ADCY4: variants seen among roughly 807,000 people sequenced by gnomAD.
The protein encoded by ADCY4 is adenylate cyclase type 4.
Under a neutral mutation model 125.5 loss-of-function variants are expected in ADCY4, and 111 were observed. The ratio of observed to expected loss-of-function variants is 0.88; its 90% CI spans 0.76 to 1.04. ADCY4 has a LOEUF of 1.04. Among genes scored for constraint, ADCY4 ranks in the 50% least tolerant of loss-of-function variants. ADCY4 has a pLI of 0.00. For missense variants in ADCY4, 1,256 were observed against 1,382.9 expected (o/e 0.91, Z 1.46); for synonymous variants, 576 against 586.9 (o/e 0.98, Z 0.27).
Position 24,326,177 on chromosome 14 carries a change from G to C in ADCY4, c.1569-12C>G, listed in dbSNP as rs1775410715. ...GGGGGGTACGGCTCCTGCACAGTGA[G>C]AGCCAAGTCCATCACCACAGAGACC... On this transcript the variant is annotated splice_polypyrimidine_tract_variant and intron_variant, in intron 11 of 24. Transcript: ENST00000418030. The C allele has an allele frequency of 6.2e-7, 1 of 1,606,520 alleles. No individual in the cohort carries two copies. The highest frequency in any genetic ancestry group is 8.5e-7 in the Non-Finnish European group (1 of 1,174,676).
At position 24,326,330 on chromosome 14, in the gene ADCY4, C is replaced by G. The variant is rs774404181; in HGVS notation, c.1537G>C (p.Ala513Pro). The G allele has an allele frequency of 2.0e-5, 32 of 1,613,700 alleles. No homozygotes were observed. Among genetic ancestry groups the G allele is most frequent in the Non-Finnish European group, 2.7e-5 (32 of 1,180,002 alleles). ...AGGCTCCACTGGGTGCTGAAGGAAGCCAGGGTCTTCTCCTGTTGGGAGAGC... is the reference window on the plus strand; with the variant it reads ...AGGCTCCACTGGGTGCTGAAGGAAGGCAGGGTCTTCTCCTGTTGGGAGAGC... ...TSTPLPEKTLASFSTQWSLDR... is the reference protein window; with the variant it reads ...TSTPLPEKTLPSFSTQWSLDR... The change falls in exon 11 of 25, where the codon GCT becomes CCT. Residue 513 changes from alanine (A) to proline (P), a missense_variant. Transcript: ENST00000418030.
chr14:24,329,344 G>C, intron 9 of ADCY4, 57 bp downstream of exon 9: 1 of 1,554,014 alleles, frequency 6.4e-7, no homozygotes, highest in Non-Finnish European at 8.7e-7. Context: ...GATCAGGCCT[G>C]TTGGCTGTGG....
At chr14:24,324,892 T>C (rs955582086) in intron 14 of ADCY4, among the ~76,000 whole-genome samples, 19 of 151,990 alleles carry the variant, frequency 1.3e-4, no homozygotes, top group African/African-American at 3.4e-4. Context: ...TTAGTAGAGA[T>C]GGGGTTTCAC....
rs764294776 is a variant in ADCY4 at position 24,334,792 on chromosome 14, G to T, written c.-140C>A. On this transcript the variant is annotated 5_prime_UTR_variant, in exon 1 of 25. Transcript: ENST00000418030. Reference sequence around the variant, plus strand: ...GCGCCCCCAACCTCGTGGCAATCCCGTCTCCTTTTTCAGGCCCTCCCTGCG... The same window carrying T: ...GCGCCCCCAACCTCGTGGCAATCCCTTCTCCTTTTTCAGGCCCTCCCTGCG... 1.4e-6 allele frequency: 1 copy of T among 692,820 alleles called. No homozygotes were observed. Among genetic ancestry groups the T allele is most frequent in the Non-Finnish European group, 2.3e-6 (1 of 433,134 alleles). 42.9% of individuals were successfully genotyped at this position (692,820 alleles called of 1,614,324 possible).
chr14:24,332,741 G>A (rs759170379), intron 2 of ADCY4, 50 bp downstream of exon 2: 19 of 1,542,982 alleles, frequency 1.2e-5, no homozygotes, highest in East Asian at 2.4e-5. Context: ...GGCCTGGTGA[G>A]GGATCGAAGC....
chr14:24,334,411 A>G (rs1369816382), intron 1 of ADCY4, 83 bp downstream of exon 1: 1 of 1,458,494 alleles, frequency 6.9e-7, no homozygotes. Context: ...CAACGAAAAC[A>G]CATCGAAAAG....
chr14:24,323,238 G>A lies in ADCY4; in HGVS notation c.2157+106C>T, dbSNP rs903109515. On this transcript the variant is annotated intron_variant, in intron 17 of 24. Transcript: ENST00000418030. ...CTGATACACACTGGGTGTGACTTATGTCTGTTCTAATCCACAGAATGGAGC... is the reference window on the plus strand; with the variant it reads ...CTGATACACACTGGGTGTGACTTATATCTGTTCTAATCCACAGAATGGAGC... The A allele has an allele frequency of 5.0e-6, 7 of 1,395,624 alleles. No individual in the cohort carries two copies. The East Asian group carries it at 1.7e-4, about 35-fold the overall frequency. 86.5% of individuals were successfully genotyped at this position (1,395,624 alleles called of 1,614,324 possible).
chr14:24,322,600 G>A, intron 19 of ADCY4, 24 bp downstream of exon 19: 3 of 1,612,762 alleles, frequency 1.9e-6, no homozygotes, highest in Non-Finnish European at 2.5e-6. Context: ...GTGGGCCCTG[G>A]TGGGGCTGAG....
At chr14:24,334,435 C>A (rs1252280728) in intron 1 of ADCY4, 59 bp downstream of exon 1, 2 of 1,498,798 alleles carry the variant, frequency 1.3e-6, no homozygotes, top group Non-Finnish European at 1.8e-6. Flanking sequence ...ACCCCACAAA[C>A]CCCAACCCCG....
At position 24,319,141 on chromosome 14, in the gene ADCY4, G is replaced by A. The variant is rs149547221; in HGVS notation, c.2913C>T (p.Asp971=). The change falls in exon 23 of 25, where the codon GAC becomes GAT. Residue 971 remains aspartate, a synonymous_variant. Transcript: ENST00000418030. This position sits in a 1 kb window ranked among gnomAD's most constrained non-coding sequence, Gnocchi z 4.5. ...TGTTGAATGAATGCTTGTTGATGAC[G>A]TCCAGCTTAGACCCCAGGGCCACGG... The part of the protein sequence containing the change: ...EFAVALGSKL[D]VINKHSFNNF... The A allele has an allele frequency of 1.4e-4, 234 of 1,613,998 alleles. No individual in the cohort carries two copies. In the African/African-American group the frequency reaches 2.8e-3, roughly 19 times the overall value.
At chr14:24,332,749 AGCCCGGGCCGTCCCCGCT>A in intron 2 of ADCY4, 24 bp downstream of exon 2, 1 of 1,534,450 alleles carries the variant, frequency 6.5e-7, no homozygotes, top group Non-Finnish European at 8.8e-7. Context: ...GAGGGATCGA[AGCCCGGGCCGTCCCCGCT>A]GCCCCGCCTG....
At chr14:24,330,609 A>G (rs2042026381) in intron 6 of ADCY4, 4 of 352,424 alleles carry the variant, frequency 1.1e-5, no homozygotes, top group South Asian at 4.2e-5. Context: ...GAATCCAAGA[A>G]TTGGTTGCTT....
At chr14:24,318,891 T>A (rs1016571909) in intron 23 of ADCY4, 113 bp from the exon 24 acceptor site, 13 of 1,435,906 alleles carry the variant, frequency 9.1e-6, no homozygotes, top group African/African-American at 2.9e-5. Flanking sequence ...AGAGGAGGGG[T>A]CTCTAAGGGC....
intron 9 of ADCY4, 31 bp from the exon 10 acceptor site, chr14:24,329,265 C>A (rs1468788649): frequency 1.2e-6 from 2 of 1,607,692 alleles, no homozygotes; most frequent in Admixed American, 1.7e-5. Flanking sequence ...CAGTAAAGAC[C>A]ACAGACACTT....
At chr14:24,327,777 C>T (rs1253431335) in intron 10 of ADCY4, among the ~76,000 whole-genome samples, 1 of 152,116 alleles carries the variant, frequency 6.6e-6, no homozygotes, top group Non-Finnish European at 1.5e-5. Context: ...TGAGTAGAGG[C>T]TGGGGAGTTA....
At position 24,319,299 on chromosome 14, in the gene ADCY4, A is replaced by G; in HGVS notation, c.2841+30T>C. 6.2e-7 allele frequency: 1 copy of G among 1,612,954 alleles called. No individual in the cohort carries two copies. Among genetic ancestry groups the G allele is most frequent in the Non-Finnish European group, 8.5e-7 (1 of 1,178,982 alleles). On this transcript the variant is annotated intron_variant, in intron 22 of 24. Coordinates refer to ENST00000418030, the MANE Select transcript of ADCY4 (RefSeq NM_001198568.2). The surrounding 1 kb of genome is among the most constrained non-coding windows in gnomAD (Gnocchi z 4.5). ...AAGCCCATCAATGAGAGCCCAGAGGAGGATGGTAGGTAAGGAAGGGTTGCC... is the reference window on the plus strand; with the variant it reads ...AAGCCCATCAATGAGAGCCCAGAGGGGGATGGTAGGTAAGGAAGGGTTGCC...
At position 24,334,590 on chromosome 14, in the gene ADCY4, G is replaced by C. The variant is rs758447606; in HGVS notation, c.63C>G (p.Tyr21Ter). The C allele has an allele frequency of 1.9e-6, 3 of 1,572,144 alleles. No individual in the cohort carries two copies. The Admixed American group carries it at 5.5e-5, about 29-fold the overall frequency. Residue 21 changes from tyrosine (Y) to a stop codon, truncating the protein, a stop_gained, in exon 1 of 25, where the codon TAC (tyrosine) becomes TAG (stop). Transcript: ENST00000418030. LOFTEE classifies it high-confidence loss of function. ...GCAGCGGGTACTGCTGGCTCAGGCT[G>C]TAGTAGGTCTCGTAGAAGAGGTCTT... ...PSEDLFYETYYSLSQQYPLLL... is the reference protein window; with the variant it reads ...PSEDLFYETY
Position 24,323,468 on chromosome 14 carries a change from G to T in ADCY4, c.2047-14C>A, listed in dbSNP as rs369910882. ...TGGGAAGAAGAACTGCAGAGGAGAT[G>T]AGGAGTTGAAGAGGCAGGTAGCTTC... On this transcript the variant is annotated splice_polypyrimidine_tract_variant and intron_variant, in intron 16 of 24. Transcript: ENST00000418030. 33 of 1,551,730 alleles carry T rather than the reference G, an allele frequency of 2.1e-5. No individual in the cohort carries two copies. The African/African-American group carries it at 4.0e-4, about 19-fold the overall frequency.
At chr14:24,321,698 T>G in intron 20 of ADCY4, 1 of 653,308 alleles carries the variant, frequency 1.5e-6, no homozygotes, top group East Asian at 1.1e-4. Context: ...CAGGCGGTAG[T>G]GCTGGCTCAC....
Sources: allele counts gnomAD v4.1 joint callset (sites outside exome capture counted in the v4.1 genomes callset), GRCh38; gene constraint gnomAD v4.1.1; non-coding constraint Gnocchi (gnomAD v3.1); transcripts MANE v1.5; gene names NCBI Gene and HGNC (gene_info 2026-07-23, HGNC 2026-07-21).